CTDSPL: variants seen among roughly 807,000 people sequenced by gnomAD.
The protein encoded by CTDSPL is CTD small phosphatase like.
A neutral mutation model predicts 30.5 loss-of-function variants in CTDSPL; 8 were observed. That is an observed-to-expected ratio of 0.26 (90% CI 0.15 to 0.47). CTDSPL has a LOEUF of 0.47. Ranked by LOEUF, CTDSPL falls within the 20% of genes least tolerant of loss-of-function variation. The probability of loss-of-function intolerance (pLI) is 0.99; values close to 1 mark genes in which losing one functional copy is unlikely to be tolerated. For missense variants in CTDSPL, 248 were observed against 366.1 expected, an observed-to-expected ratio of 0.68 and a Z score of 2.63; for synonymous variants, 110 against 137.9, an observed-to-expected ratio of 0.80 and a Z score of 1.42.
intron 1 of CTDSPL, among the ~76,000 whole-genome samples, chr3:37,876,780 CT>C (rs144593855): frequency 0.015 from 2,172 of 147,020 alleles, 42 homozygotes; most frequent in South Asian, 0.083. Flanking sequence ...TTAGTAATGT[CT>C]TTTTTTTTTC....
chr3:37,970,656 GCCT>G (rs979974298), intron 5 of CTDSPL, among the ~76,000 whole-genome samples: 27 of 152,170 alleles, frequency 1.8e-4, no homozygotes, highest in African/African-American at 6.5e-4. Flanking sequence ...CTGAAGCCTG[GCCT>G]CCTCACTGCT....
intron 1 of CTDSPL, among the ~76,000 whole-genome samples, chr3:37,899,544 T>C (rs1002574374): frequency 1.3e-5 from 2 of 152,096 alleles, no homozygotes; most frequent in African/African-American, 2.4e-5. Flanking sequence ...GAGTTTGGCG[T>C]TGAGAAACTG....
chr3:37,913,234 C>T (rs543548183), intron 1 of CTDSPL, among the ~76,000 whole-genome samples: 44 of 152,216 alleles, frequency 2.9e-4, no homozygotes, highest in African/African-American at 1.0e-3. Context: ...GTGGGAGGAT[C>T]GCTTGAGCCC....
intron 1 of CTDSPL, among the ~76,000 whole-genome samples, chr3:37,922,029 C>T (rs528408226): frequency 2.0e-5 from 3 of 152,210 alleles, no homozygotes; most frequent in Admixed American, 1.3e-4. Flanking sequence ...GTCAGGAGTT[C>T]GAGACCAGCC....
At chr3:37,916,329 G>A (rs1698646168) in intron 1 of CTDSPL, among the ~76,000 whole-genome samples, 1 of 151,916 alleles carries the variant, frequency 6.6e-6, no homozygotes, top group Non-Finnish European at 1.5e-5. Flanking sequence ...TTTTTACTGT[G>A]GTGCTTTTAT....
intron 3 of CTDSPL, among the ~76,000 whole-genome samples, chr3:37,960,493 A>AAATAAAT (rs1699225423): frequency 1.7e-5 from 1 of 60,290 alleles, no homozygotes; most frequent in African/African-American, 7.9e-5. Context: ...AAAAAAAAAA[A>AAATAAAT]AAAAAAAAAA....
chr3:37,949,406 C>T (rs1699083040), intron 2 of CTDSPL, among the ~76,000 whole-genome samples: 1 of 152,000 alleles, frequency 6.6e-6, no homozygotes, highest in Non-Finnish European at 1.5e-5. Context: ...ATAAGCAACC[C>T]GATGTTCAAC....
intron 5 of CTDSPL, among the ~76,000 whole-genome samples, chr3:37,970,164 C>T (rs1699351062): frequency 6.6e-6 from 1 of 152,152 alleles, no homozygotes; most frequent in African/African-American, 2.4e-5. Context: ...CGGGTCTCAC[C>T]CTCTACTGTT....
chr3:37,922,176 A>C (rs1191019512), intron 1 of CTDSPL, among the ~76,000 whole-genome samples: 1 of 151,504 alleles, frequency 6.6e-6, no homozygotes, highest in East Asian at 1.9e-4. Context: ...TGGAGGTTGC[A>C]GTGAGCCGAG....
chr3:37,957,188 T>C lies in CTDSPL; in HGVS notation c.267+45T>C, dbSNP rs59105166. ...TTTATTTATTAAAACAGTCATAAAA[T>C]CTTGTGGCTTTGGGCCTACTTATAT... On this transcript the variant is annotated intron_variant, in intron 3 of 7. Coordinates refer to ENST00000273179, the MANE Select transcript of CTDSPL (RefSeq NM_001008392.2). 248 of 1,412,854 alleles carry C rather than the reference T, an allele frequency of 1.8e-4. No individual in the cohort carries two copies. The African/African-American group carries it at 3.2e-3, about 18-fold the overall frequency. 87.5% of individuals were successfully genotyped at this position (1,412,854 alleles called of 1,614,324 possible).
At chr3:37,919,239 A>G (rs1284142822) in intron 1 of CTDSPL, among the ~76,000 whole-genome samples, 1 of 152,226 alleles carries the variant, frequency 6.6e-6, no homozygotes, top group East Asian at 1.9e-4. Flanking sequence ...ATGCTTCATC[A>G]TAGACTCCTG....
At chr3:37,930,207 C>A (rs1364614327) in intron 1 of CTDSPL, among the ~76,000 whole-genome samples, 1 of 151,514 alleles carries the variant, frequency 6.6e-6, no homozygotes, top group South Asian at 2.1e-4. Flanking sequence ...AGTTTCATTT[C>A]ATGGTCAGAA....
intron 1 of CTDSPL, among the ~76,000 whole-genome samples, chr3:37,910,344 G>C (rs902448607): frequency 6.6e-6 from 1 of 152,220 alleles, no homozygotes; most frequent in African/African-American, 2.4e-5. Context: ...AGCCGGGCAT[G>C]GTAGTGGGCA....
intron 1 of CTDSPL, among the ~76,000 whole-genome samples, chr3:37,900,664 A>G (rs1176917310): frequency 6.6e-6 from 1 of 152,210 alleles, no homozygotes; most frequent in Non-Finnish European, 1.5e-5. Context: ...TTATATATGT[A>G]TATGGATAAA....
intron 1 of CTDSPL, among the ~76,000 whole-genome samples, chr3:37,901,229 T>TGAG (rs1698447101): frequency 6.6e-6 from 1 of 152,216 alleles, no homozygotes. Context: ...TCAGGGCCTC[T>TGAG]GCCTTTCTGT....
At position 37,975,434 on chromosome 3, in the gene CTDSPL, G is replaced by A. The variant is rs1391475500; in HGVS notation, c.520-275G>A. Among the ~76,000 whole-genome samples the A allele has an allele frequency of 6.6e-6, 1 of 152,214 alleles. No homozygotes were observed. Among genetic ancestry groups the A allele is most frequent in the East Asian group, 1.9e-4 (1 of 5,200 alleles). On this transcript the variant is annotated intron_variant, in intron 6 of 7. Coordinates refer to ENST00000273179, the MANE Select transcript of CTDSPL (RefSeq NM_001008392.2). The surrounding 1 kb of genome is among the most constrained non-coding windows in gnomAD (Gnocchi z 4.9). ...CAGCCATCCCAGGCCAGAGATTCGA[G>A]GCCCAGGCTAAGGGTGGTGGCAATA...
chr3:37,904,281 C>G (rs1430776286), intron 1 of CTDSPL, among the ~76,000 whole-genome samples: 1 of 152,218 alleles, frequency 6.6e-6, no homozygotes, highest in African/African-American at 2.4e-5. Flanking sequence ...TATTTAGCAC[C>G]AGTTCCCTTT....
chr3:37,934,511 C>T (rs761327160), intron 1 of CTDSPL, among the ~76,000 whole-genome samples: 2 of 152,232 alleles, frequency 1.3e-5, no homozygotes, highest in East Asian at 1.9e-4. Flanking sequence ...ACCTTAGCCC[C>T]GTGATCCAGA....
At chr3:37,944,054 G>T (rs145501707) in intron 1 of CTDSPL, among the ~76,000 whole-genome samples, 1 of 150,078 alleles carries the variant, frequency 6.7e-6, no homozygotes, top group Non-Finnish European at 1.5e-5. Flanking sequence ...GTGTAGAAGC[G>T]TACGAATTAG....
Sources: allele counts gnomAD v4.1 joint callset (sites outside exome capture counted in the v4.1 genomes callset), GRCh38; gene constraint gnomAD v4.1.1; non-coding constraint Gnocchi (gnomAD v3.1); transcripts MANE v1.5; gene names NCBI Gene and HGNC (gene_info 2026-07-23, HGNC 2026-07-21).